Variants in CEP85 observed in about 807,000 individuals in gnomAD.
The protein encoded by CEP85 is centrosomal protein 85.
Under a neutral mutation model 93.7 loss-of-function variants are expected in CEP85, and 58 were observed. That is an observed-to-expected ratio of 0.62 (90% CI 0.50 to 0.77). The LOEUF is 0.77. Ranked by LOEUF, CEP85 falls within the 30% of genes least tolerant of loss-of-function variation. The pLI is 0.00. For synonymous variants in CEP85, 314 were observed against 338.6 expected, an observed-to-expected ratio of 0.93 and a Z score of 0.80; for missense variants, 868 against 922.0, an observed-to-expected ratio of 0.94 and a Z score of 0.76.
chr1:26,246,003 A>G (rs1275993249), intron 3 of CEP85, among the ~76,000 whole-genome samples: 1 of 151,674 alleles, frequency 6.6e-6, no homozygotes, highest in Non-Finnish European at 1.5e-5. Context: ...AAGTTCAATC[A>G]CTTTGTTACA....
rs556033906 is a variant in CEP85, at chr1:26,272,295, TG to T, written c.1794+225del. ...CAGTCCCCACAGTATCCTGGGGGAG[TG>T]CAGGAGAGTCAGTGGGAGGAAGGGA... On this transcript the variant is annotated intron_variant, in intron 11 of 13. Transcript: ENST00000451429. 20 of 537,298 alleles carry T rather than the reference TG, an allele frequency of 3.7e-5. No homozygotes were observed. The East Asian group carries it at 5.9e-4, about 16-fold the overall frequency. 33.3% of individuals were successfully genotyped at this position (537,298 alleles called of 1,614,324 possible). A position where few individuals can be genotyped will look rare whatever the true frequency, so the allele number is the denominator to read the frequency against.
chr1:26,237,775 C>T (rs1400781514), intron 1 of CEP85, among the ~76,000 whole-genome samples: 2 of 152,116 alleles, frequency 1.3e-5, no homozygotes, highest in Admixed American at 1.3e-4. Context: ...TTCAACTTGT[C>T]TGAATTTAGA....
Position 26,259,656 on chromosome 1 carries a change from G to T in CEP85, c.1195G>T (p.Ala399Ser), listed in dbSNP as rs751174246. Reference sequence around the variant, plus strand: ...AAACACTTTCTTACGTGCACAGTTTGCACAGAAGACAGAAGCCTTGAGCAG... The same window carrying T: ...AAACACTTTCTTACGTGCACAGTTTTCACAGAAGACAGAAGCCTTGAGCAG... ...RENTFLRAQF[A>S]QKTEALSREK... The change falls in exon 7 of 14, where the codon GCA becomes TCA. Residue 399 changes from alanine (A) to serine (S), a missense_variant. Coordinates refer to ENST00000451429, the MANE Select transcript of CEP85 (RefSeq NM_001319944.2). 3 of 1,613,204 alleles carry T rather than the reference G, an allele frequency of 1.9e-6. No individual in the cohort carries two copies. The Admixed American group carries it at 5.0e-5, about 27-fold the overall frequency.
At chr1:26,260,114 C>T (rs914231836) in intron 7 of CEP85, among the ~76,000 whole-genome samples, 1 of 152,206 alleles carries the variant, frequency 6.6e-6, no homozygotes, top group Non-Finnish European at 1.5e-5. Context: ...AGTACTCATA[C>T]CAGGTGGCAC....
intron 13 of CEP85, 109 bp downstream of exon 13, chr1:26,276,869 G>T: frequency 2.2e-6 from 2 of 908,436 alleles, no homozygotes; most frequent in Non-Finnish European, 3.4e-6. Context: ...AGAGTACATA[G>T]TCCTGGCCAC....
intron 3 of CEP85, among the ~76,000 whole-genome samples, chr1:26,246,593 G>A (rs1360956604): frequency 6.6e-6 from 1 of 151,974 alleles, no homozygotes; most frequent in East Asian, 1.9e-4. Flanking sequence ...AATTAGCTGG[G>A]CGTGGTGATG....
rs764919627 is a variant in CEP85 at position 26,255,843 on chromosome 1, G to T, written c.881G>T (p.Arg294Leu). ...TGTCGGCAGCAGCTGGAATTGATTC[G>T]TTTACAGATGGAGCAAATGCAGGTA... Reference protein sequence around the residue: ...STCRQQLELIRLQMEQMQLQN... With the variant: ...STCRQQLELILLQMEQMQLQN... Residue 294 changes from arginine (R) to leucine (L), a missense_variant, in exon 4 of 14, where the codon CGT becomes CTT. Coordinates refer to ENST00000451429, the MANE Select transcript of CEP85 (RefSeq NM_001319944.2). 6 of 1,610,062 alleles carry T rather than the reference G, an allele frequency of 3.7e-6. No individual in the cohort carries two copies. Among genetic ancestry groups the T allele is most frequent in the Non-Finnish European group, 8.5e-7 (1 of 1,177,056 alleles).
chr1:26,244,117 G>T, intron 2 of CEP85, 49 bp from the exon 3 acceptor site: 1 of 1,575,918 alleles, frequency 6.3e-7, no homozygotes, highest in Non-Finnish European at 8.7e-7. Context: ...ATCTGATGGG[G>T]TTACATCAGC....
At chr1:26,271,322 A>G (rs2089971725) in intron 10 of CEP85, 2 of 472,926 alleles carry the variant, frequency 4.2e-6, no homozygotes, top group Admixed American at 3.6e-5. Flanking sequence ...AATATAGGCA[A>G]AAGTAAGAGG....
chr1:26,250,826 AGGCATAGT>A (rs1366447278), intron 3 of CEP85, among the ~76,000 whole-genome samples: 3 of 151,708 alleles, frequency 2.0e-5, no homozygotes, highest in Non-Finnish European at 1.5e-5. Context: ...AGAAGTCCAA[AGGCATAGT>A]GGCAGCATCT....
At chr1:26,249,667 A>C (rs1360313725) in intron 3 of CEP85, among the ~76,000 whole-genome samples, 1 of 152,154 alleles carries the variant, frequency 6.6e-6, no homozygotes, top group Non-Finnish European at 1.5e-5. Flanking sequence ...TGTAGACTGA[A>C]GTGACTGAGA....
chr1:26,277,102 T>TGAGCAG (rs1209283807), intron 13 of CEP85, 34 bp from the exon 14 acceptor site: 8 of 1,603,426 alleles, frequency 5.0e-6, no homozygotes, highest in African/African-American at 1.3e-5. Flanking sequence ...GTCTCATAAC[T>TGAGCAG]AACATTCTCT....
intron 4 of CEP85, among the ~76,000 whole-genome samples, chr1:26,256,667 C>T (rs1219370514): frequency 2.8e-5 from 4 of 140,948 alleles, no homozygotes; most frequent in Non-Finnish European, 6.1e-5. Context: ...GGCGTGTTCT[C>T]GGCTCACTGC....
At chr1:26,265,658 C>G (rs1290362621) in intron 7 of CEP85, among the ~76,000 whole-genome samples, 1 of 152,230 alleles carries the variant, frequency 6.6e-6, no homozygotes, top group Non-Finnish European at 1.5e-5. Flanking sequence ...TACTTCAGTT[C>G]AGAGGCTCTT....
At chr1:26,250,925 C>CCTTT (rs2089598435) in intron 3 of CEP85, among the ~76,000 whole-genome samples, 1 of 55,160 alleles carries the variant, frequency 1.8e-5, no homozygotes, top group African/African-American at 5.9e-5. Context: ...TTTTTTTTTT[C>CCTTT]TTTTTTCTTT....
chr1:26,257,458 A>G, intron 4 of CEP85, 139 bp from the exon 5 acceptor site: 1 of 983,980 alleles, frequency 1.0e-6, no homozygotes, highest in Non-Finnish European at 1.5e-6. Flanking sequence ...CCTCAGAGCT[A>G]AAATTATTTC....
Position 26,269,514 on chromosome 1 carries a change from G to A in CEP85, c.1549G>A (p.Glu517Lys), listed in dbSNP as rs1252862750. Residue 517 changes from glutamate (E) to lysine (K), a missense_variant, in exon 9 of 14, where the codon GAG becomes AAG. Physicochemically the swap from Glu to Lys is moderately conservative, Grantham distance 56 (BLOSUM62 1). Transcript: ENST00000451429. ...GCTGCAGGAGAAAGTGACTGAGCTG[G>A]AGAGTTTGCTGGAGGAGACCCAGGC... The part of the protein sequence containing the change: ...TELQEKVTEL[E>K]SLLEETQAIC... 6.2e-7 allele frequency: 1 copy of A among 1,614,008 alleles called. No individual in the cohort carries two copies. Among genetic ancestry groups the A allele is most frequent in the Admixed American group, 1.7e-5 (1 of 59,994 alleles).
intron 13 of CEP85, 59 bp downstream of exon 13, chr1:26,276,819 C>T: frequency 2.3e-6 from 3 of 1,309,800 alleles, no homozygotes; most frequent in African/African-American, 1.5e-5. Context: ...TCTTCTCTCC[C>T]CCATCCTGCT....
chr1:26,259,371 T>C (rs1402478891), intron 6 of CEP85, among the ~76,000 whole-genome samples: 4 of 152,168 alleles, frequency 2.6e-5, no homozygotes, highest in African/African-American at 7.2e-5. Flanking sequence ...ATACAGATTA[T>C]TGGGACCCAT....
Sources: allele counts gnomAD v4.1 joint callset (sites outside exome capture counted in the v4.1 genomes callset), GRCh38; gene constraint gnomAD v4.1.1; transcripts MANE v1.5; gene names NCBI Gene and HGNC (gene_info 2026-07-23, HGNC 2026-07-21).